The following KCNH5 variants were observed in gnomAD, a reference collection of about 807,000 sequenced individuals.
KCNH5 encodes the protein potassium voltage-gated channel subfamily H member 5.
A neutral mutation model predicts 96.1 loss-of-function variants in KCNH5; 46 were observed. The observed-to-expected ratio is 0.48, with a 90% CI of 0.38 to 0.61. The LOEUF is 0.61. Among genes scored for constraint, KCNH5 ranks in the 20% least tolerant of loss-of-function variants. The pLI, the probability that KCNH5 is intolerant of heterozygous loss-of-function variation, is 0.00. For synonymous variants in KCNH5, 439 were observed against 449.8 expected (o/e 0.98, Z 0.30); for missense variants, 907 against 1,225.8 (o/e 0.74, Z 3.88).
intron 9 of KCNH5, among the ~76,000 whole-genome samples, chr14:62,782,214 AGTGAG>A (rs1886233890): frequency 6.6e-6 from 1 of 152,176 alleles, no homozygotes; most frequent in Admixed American, 6.5e-5. Flanking sequence ...AGGTTGAGTG[AGTGAG>A]ATTACACATT....
At chr14:62,935,330 GAACTAGAAAGAC>G (rs1024897527) in intron 7 of KCNH5, among the ~76,000 whole-genome samples, 1 of 152,114 alleles carries the variant, frequency 6.6e-6, no homozygotes, top group African/African-American at 2.4e-5. Context: ...ATACAGAGTG[GAACTAGAAAGAC>G]AAGTTCCCTG....
At chr14:62,978,158 A>T (rs983582390) in intron 6 of KCNH5, among the ~76,000 whole-genome samples, 4 of 152,288 alleles carry the variant, frequency 2.6e-5, no homozygotes, top group Non-Finnish European at 4.4e-5. Flanking sequence ...AAAGTTTTTT[A>T]AAAAGGCCTT....
rs565133686 is a variant in KCNH5 at position 63,022,153 on chromosome 14, T to C, written c.74-5199A>G. ...TTCAAATTAGGTACTTTCCCACTGT[T>C]TCCTGTCTTAGAGAATGGGGCCACC... On this transcript the variant is annotated intron_variant, in intron 1 of 10. Transcript: ENST00000322893. 2.0e-4 allele frequency among the ~76,000 whole-genome samples: 31 copies of C among 152,336 alleles called. No homozygotes were observed. In the South Asian group the frequency reaches 2.7e-3, roughly 13 times the overall value.
intron 8 of KCNH5, among the ~76,000 whole-genome samples, chr14:62,838,306 G>GCA (rs2140034327): frequency 6.6e-6 from 1 of 152,206 alleles, no homozygotes; most frequent in South Asian, 2.1e-4. Context: ...TATTCCAACT[G>GCA]CACTACCTCT....
chr14:62,878,944 T>C (rs1888438242), intron 7 of KCNH5, among the ~76,000 whole-genome samples: 1 of 152,136 alleles, frequency 6.6e-6, no homozygotes, highest in Admixed American at 6.5e-5. Context: ...CATTTTAAAT[T>C]AATTATCTCT....
chr14:62,812,600 A>T (rs1886895085), intron 8 of KCNH5, among the ~76,000 whole-genome samples: 1 of 148,094 alleles, frequency 6.8e-6, no homozygotes, highest in Non-Finnish European at 1.5e-5. Flanking sequence ...GAGTCTAAAT[A>T]TGATAATTAA....
chr14:62,818,951 C>A (rs1887056112), intron 8 of KCNH5, among the ~76,000 whole-genome samples: 2 of 152,044 alleles, frequency 1.3e-5, no homozygotes, highest in Non-Finnish European at 2.9e-5. Context: ...AAAGAATATT[C>A]TTTATTTATT....
chr14:62,958,138 G>A (rs1040730), intron 6 of KCNH5, among the ~76,000 whole-genome samples: 55,386 of 152,070 alleles, frequency 0.36, 10,534 homozygotes, highest in Non-Finnish European at 0.42. Context: ...AGATATGGGT[G>A]TGTAAAGTAA....
intron 9 of KCNH5, among the ~76,000 whole-genome samples, chr14:62,784,459 A>G (rs1265867188): frequency 6.6e-6 from 1 of 152,228 alleles, no homozygotes; most frequent in Non-Finnish European, 1.5e-5. Context: ...ATGCATTTAA[A>G]TAATAATAGC....
At chr14:62,871,601 C>G (rs572594041) in intron 7 of KCNH5, among the ~76,000 whole-genome samples, 31 of 152,268 alleles carry the variant, frequency 2.0e-4, no homozygotes, top group African/African-American at 7.5e-4. Flanking sequence ...GACACCACCA[C>G]ACATTAGCTG....
chr14:62,797,857 C>CAGAT (rs2139995238), intron 9 of KCNH5, among the ~76,000 whole-genome samples: 1 of 151,886 alleles, frequency 6.6e-6, no homozygotes, highest in Non-Finnish European at 1.5e-5. Flanking sequence ...CTCCCAAATA[C>CAGAT]AGATATATGC....
chr14:62,868,705 G>A (rs182723122), intron 7 of KCNH5, among the ~76,000 whole-genome samples: 81 of 152,200 alleles, frequency 5.3e-4, no homozygotes, highest in African/African-American at 1.9e-3. Flanking sequence ...CCCGCTGACA[G>A]GCCCTGGTGT....
At chr14:63,004,570 T>C (rs536445068) in intron 3 of KCNH5, among the ~76,000 whole-genome samples, 1 of 152,220 alleles carries the variant, frequency 6.6e-6, no homozygotes, top group Non-Finnish European at 1.5e-5. Flanking sequence ...ACTAAGATGA[T>C]TTAAAGTAAA....
intron 10 of KCNH5, among the ~76,000 whole-genome samples, chr14:62,771,508 C>T (rs1885986747): frequency 6.6e-6 from 1 of 152,026 alleles, no homozygotes; most frequent in African/African-American, 2.4e-5. Flanking sequence ...GCCTGTAGTC[C>T]CAGCTACTCG....
chr14:62,818,722 CACA>C (rs1248808549), intron 8 of KCNH5, among the ~76,000 whole-genome samples: 7 of 152,126 alleles, frequency 4.6e-5, no homozygotes, highest in African/African-American at 1.2e-4. Context: ...ACAAGAATTT[CACA>C]ACATTTTTGT....
chr14:62,881,733 T>G (rs956111674), intron 7 of KCNH5, among the ~76,000 whole-genome samples: 1 of 148,462 alleles, frequency 6.7e-6, no homozygotes, highest in Non-Finnish European at 1.5e-5. Context: ...ATGGTTGATA[T>G]AAGTATCCAT....
intron 7 of KCNH5, among the ~76,000 whole-genome samples, chr14:62,899,712 T>C (rs1340194008): frequency 6.6e-6 from 1 of 150,492 alleles, no homozygotes; most frequent in Admixed American, 6.6e-5. Context: ...CGGGCGCCTG[T>C]AGTCCCAGCT....
intron 7 of KCNH5, among the ~76,000 whole-genome samples, chr14:62,942,017 T>C (rs1344316616): frequency 2.0e-5 from 3 of 152,212 alleles, no homozygotes; most frequent in African/African-American, 7.2e-5. Context: ...TTTTCTTTTC[T>C]CCATAATATT....
At chr14:63,028,229 A>G (rs1247687794) in intron 1 of KCNH5, among the ~76,000 whole-genome samples, 2 of 152,134 alleles carry the variant, frequency 1.3e-5, no homozygotes, top group Non-Finnish European at 2.9e-5. Flanking sequence ...CCCCCATCAT[A>G]CCATTTTCAA....
Sources: gnomAD v4.1 joint callset for allele counts (sites outside exome capture counted in the v4.1 genomes callset) on GRCh38, gnomAD v4.1.1 for gene constraint, MANE v1.5 for transcripts, NCBI Gene and HGNC (gene_info 2026-07-23, HGNC 2026-07-21) for gene names.